The following SCHIP1 variants were observed in gnomAD, a reference collection of about 807,000 sequenced individuals.
SCHIP1 encodes schwannomin-interacting protein 1.
In SCHIP1, 8 loss-of-function variants were observed where a neutral mutation model predicts 29.7. The ratio of observed to expected loss-of-function variants is 0.27; its 90% CI spans 0.16 to 0.49. The LOEUF is 0.49. SCHIP1 is among the 20% of genes least tolerant of loss of function. The pLI is 0.99. For missense variants in SCHIP1, 193 were observed against 294.6 expected, an observed-to-expected ratio of 0.66 and a Z score of 2.52; for synonymous variants, 76 against 94.9, an observed-to-expected ratio of 0.80 and a Z score of 1.16.
the SCHIP1 span, among the ~76,000 whole-genome samples, chr3:159,394,840 A>G: frequency 1.3e-5 from 2 of 152,162 alleles, no homozygotes; most frequent in African/African-American, 4.8e-5. Context: ...AAAATGAGTT[A>G]GGGAGGATTC....
chr3:159,568,826 A>C, the SCHIP1 span, among the ~76,000 whole-genome samples: 1 of 152,058 alleles, frequency 6.6e-6, no homozygotes, highest in Non-Finnish European at 1.5e-5. Context: ...TCGTATTCAG[A>C]TCTCCCTCAA....
the SCHIP1 span, among the ~76,000 whole-genome samples, chr3:159,827,811 CAAA>C: frequency 6.6e-5 from 5 of 75,454 alleles, no homozygotes; most frequent in African/African-American, 7.7e-5. Flanking sequence ...GACTCCGTCT[CAAA>C]AAAAAAAAAA....
the SCHIP1 span, among the ~76,000 whole-genome samples, chr3:159,793,385 T>G: frequency 6.6e-6 from 1 of 152,228 alleles, no homozygotes. Context: ...GTTGGCCATT[T>G]TCTTGCCTAT....
the SCHIP1 span, among the ~76,000 whole-genome samples, chr3:159,377,059 T>C: frequency 4.6e-5 from 7 of 152,244 alleles, no homozygotes; most frequent in Non-Finnish European, 1.0e-4. Context: ...TTTCACTTTA[T>C]TCTTTCTCAG....
At chr3:159,849,875 G>A (rs1401350942) in intron 1 of SCHIP1, among the ~76,000 whole-genome samples, 4 of 152,280 alleles carry the variant, frequency 2.6e-5, no homozygotes, top group Middle Eastern at 3.4e-3. Flanking sequence ...TAAGCAGCAC[G>A]TTCATATTTC....
chr3:159,693,551 T>C, the SCHIP1 span, among the ~76,000 whole-genome samples: 4 of 152,218 alleles, frequency 2.6e-5, no homozygotes, highest in Non-Finnish European at 5.9e-5. Flanking sequence ...GAGAGTATAG[T>C]GTCTCTTTCA....
chr3:159,574,688 A>AC, the SCHIP1 span, among the ~76,000 whole-genome samples: 1 of 152,206 alleles, frequency 6.6e-6, no homozygotes, highest in African/African-American at 2.4e-5. Flanking sequence ...ATTGACTGCT[A>AC]CCTTTTGTTC....
At chr3:159,801,543 G>A in the SCHIP1 span, among the ~76,000 whole-genome samples, 1 of 152,084 alleles carries the variant, frequency 6.6e-6, no homozygotes, top group Admixed American at 6.5e-5. Context: ...CACTTTTATG[G>A]TAAGCAGTTC....
At chr3:159,622,610 A>G in the SCHIP1 span, among the ~76,000 whole-genome samples, 2 of 152,166 alleles carry the variant, frequency 1.3e-5, no homozygotes, top group Admixed American at 1.3e-4. Flanking sequence ...ACAAATTACA[A>G]TAATCTTTTG....
At chr3:159,430,596 G>A in the SCHIP1 span, among the ~76,000 whole-genome samples, 312 of 152,172 alleles carry the variant, frequency 2.1e-3, 2 homozygotes, top group African/African-American at 7.4e-3. Context: ...AGGCTTGATA[G>A]GTTTGTTCAA....
the SCHIP1 span, among the ~76,000 whole-genome samples, chr3:159,591,861 AC>A: frequency 1.3e-5 from 2 of 151,996 alleles, no homozygotes; most frequent in Admixed American, 1.3e-4. Flanking sequence ...GGTGCAGCAA[AC>A]CACCATGGCA....
the SCHIP1 span, among the ~76,000 whole-genome samples, chr3:159,564,174 A>G: frequency 6.6e-6 from 1 of 152,108 alleles, no homozygotes; most frequent in South Asian, 2.1e-4. Flanking sequence ...ACTCACATAT[A>G]CTTGCCTATG....
chr3:159,754,865 C>T, the SCHIP1 span, among the ~76,000 whole-genome samples: 42,506 of 152,008 alleles, frequency 0.28, 6,006 homozygotes, highest in Middle Eastern at 0.35. Context: ...CTTTTCATTC[C>T]GATTTTTAAT....
the SCHIP1 span, among the ~76,000 whole-genome samples, chr3:159,680,477 C>A: frequency 7.3e-6 from 1 of 137,770 alleles, no homozygotes; most frequent in Non-Finnish European, 1.5e-5. Flanking sequence ...CCACTGCACT[C>A]CAGCCTGGTG....
chr3:159,836,664 G>A, upstream of SCHIP1, among the ~76,000 whole-genome samples: 1 of 151,978 alleles, frequency 6.6e-6, no homozygotes, highest in East Asian at 1.9e-4. Context: ...ATCTCTTGAG[G>A]TCCCATCTAA....
At chr3:159,588,281 A>C in the SCHIP1 span, among the ~76,000 whole-genome samples, 47 of 152,178 alleles carry the variant, frequency 3.1e-4, no homozygotes, top group African/African-American at 8.7e-4. Flanking sequence ...TGAGAAGTGT[A>C]TGTTCATATC....
At chr3:159,742,900 T>C in the SCHIP1 span, among the ~76,000 whole-genome samples, 7 of 148,628 alleles carry the variant, frequency 4.7e-5, no homozygotes, top group African/African-American at 1.8e-4. Flanking sequence ...TTGGCCAGCC[T>C]GGTCTCAAAC....
the SCHIP1 span, among the ~76,000 whole-genome samples, chr3:159,341,677 AT>A: frequency 1.3e-5 from 2 of 152,148 alleles, no homozygotes; most frequent in Non-Finnish European, 2.9e-5. Flanking sequence ...AGACATCTTT[AT>A]AACTGATCTG....
At chr3:159,492,557 A>G in the SCHIP1 span, among the ~76,000 whole-genome samples, 3 of 152,218 alleles carry the variant, frequency 2.0e-5, no homozygotes, top group African/African-American at 7.2e-5. Flanking sequence ...GAGAAAAAAG[A>G]ATAAAAAGAA....
Sources: allele counts gnomAD v4.1 joint callset (sites outside exome capture counted in the v4.1 genomes callset), GRCh38; gene constraint gnomAD v4.1.1; transcripts MANE v1.5; gene names NCBI Gene and HGNC (gene_info 2026-07-23, HGNC 2026-07-21).